The following ARHGEF4 variants were observed in gnomAD, a reference collection of about 807,000 sequenced individuals.
The protein encoded by ARHGEF4 is Rho guanine nucleotide exchange factor 4.
A neutral mutation model predicts 162.0 loss-of-function variants in ARHGEF4; 119 were observed. That is an observed-to-expected ratio of 0.73 (90% CI 0.63 to 0.86). The LOEUF is 0.86. Among genes scored for constraint, ARHGEF4 ranks in the 40% least tolerant of loss-of-function variants. The probability of loss-of-function intolerance (pLI) is 0.00; values close to 1 mark genes in which losing one functional copy is unlikely to be tolerated. For missense variants in ARHGEF4, 2,488 were observed against 2,456.0 expected, an observed-to-expected ratio of 1.01 and a Z score of -0.28; for synonymous variants, 1,014 against 979.9, an observed-to-expected ratio of 1.03 and a Z score of -0.65.
At chr2:130,922,095 C>T (rs1000098300) in intron 2 of ARHGEF4, among the ~76,000 whole-genome samples, 6 of 151,748 alleles carry the variant, frequency 4.0e-5, no homozygotes, top group Non-Finnish European at 5.9e-5. Flanking sequence ...TCAGGCCGGG[C>T]GCAGTGGCTC....
intron 4 of ARHGEF4, among the ~76,000 whole-genome samples, chr2:130,998,295 A>G (rs947275615): frequency 2.0e-5 from 3 of 152,168 alleles, no homozygotes; most frequent in Non-Finnish European, 4.4e-5. Context: ...GAGTGTTCCT[A>G]TAAACCCCTC....
chr2:130,845,560 G>C (rs1294637465), intron 1 of ARHGEF4, among the ~76,000 whole-genome samples: 1 of 151,698 alleles, frequency 6.6e-6, no homozygotes, highest in Non-Finnish European at 1.5e-5. Context: ...GCCTCCCAAA[G>C]TGCTGGGATT....
chr2:131,018,019 C>T (rs1688872934), intron 4 of ARHGEF4, among the ~76,000 whole-genome samples: 1 of 152,070 alleles, frequency 6.6e-6, no homozygotes, highest in Non-Finnish European at 1.5e-5. Context: ...AAAAGAATAG[C>T]TAAAACATTT....
At position 130,988,903 on chromosome 2, in the gene ARHGEF4, G is replaced by T. The variant is rs199943831; in HGVS notation, c.3986-39042G>T. Among the ~76,000 whole-genome samples, 374 of 124,272 alleles carry T rather than the reference G, an allele frequency of 3.0e-3. 1 individual carries two copies. The highest frequency in any genetic ancestry group is 9.9e-3 in the South Asian group (32 of 3,226). 81.5% of individuals were successfully genotyped at this position (124,272 alleles called of 152,430 possible). ...ATATATATATATATATATATATATAGAGAGAGAGAGAGAGAGAGAGAGAGA... is the reference window on the plus strand; with the variant it reads ...ATATATATATATATATATATATATATAGAGAGAGAGAGAGAGAGAGAGAGA... On this transcript the variant is annotated intron_variant, in intron 4 of 13. Transcript: ENST00000409359.
intron 4 of ARHGEF4, among the ~76,000 whole-genome samples, chr2:130,956,215 A>G (rs1684264308): frequency 6.6e-6 from 1 of 152,210 alleles, no homozygotes; most frequent in Non-Finnish European, 1.5e-5. Context: ...AGACACATGA[A>G]AAAATGCTCA....
intron 1 of ARHGEF4, among the ~76,000 whole-genome samples, chr2:130,879,319 T>A (rs1679051048): frequency 6.6e-6 from 1 of 152,166 alleles, no homozygotes; most frequent in African/African-American, 2.4e-5. Context: ...ACTTTAAAAA[T>A]TGACAGATAA....
intron 2 of ARHGEF4, among the ~76,000 whole-genome samples, chr2:130,920,799 G>C (rs572761356): frequency 6.6e-6 from 1 of 152,294 alleles, no homozygotes; most frequent in African/African-American, 2.4e-5. Flanking sequence ...TTTTATATAT[G>C]TAACATAGCT....
chr2:130,924,081 C>G (rs563664763), intron 2 of ARHGEF4, among the ~76,000 whole-genome samples: 1 of 151,482 alleles, frequency 6.6e-6, no homozygotes, highest in South Asian at 2.1e-4. Context: ...CGGGGTTTCA[C>G]CGTGTTAGCC....
intron 5 of ARHGEF4, among the ~76,000 whole-genome samples, chr2:131,033,677 T>C (rs1690023887): frequency 6.6e-6 from 1 of 151,898 alleles, no homozygotes; most frequent in South Asian, 2.1e-4. Context: ...TGTCTTCTGA[T>C]CCCCCCAATT....
At chr2:131,037,510 T>C (rs1025619054) in intron 5 of ARHGEF4, among the ~76,000 whole-genome samples, 1 of 151,944 alleles carries the variant, frequency 6.6e-6, no homozygotes, top group Non-Finnish European at 1.5e-5. Context: ...AGGGCCTGTT[T>C]GTGACATTCC....
chr2:130,917,276 G>C lies in ARHGEF4; in HGVS notation c.3330G>C (p.Gly1110=). The C allele has an allele frequency of 6.4e-7, 1 of 1,550,534 alleles. No homozygotes were observed. The highest frequency in any genetic ancestry group is 8.7e-7 in the Non-Finnish European group (1 of 1,146,974). ...SAQRMGLHYP[G]RGSAISMVSL... is the part of the protein sequence containing the mutation. ...AGCGGATGGGTCTCCACTACCCCGG[G>C]AGGGGTAGCGCCATCTCCATGGTTT... Residue 1110 remains glycine, a synonymous_variant, in exon 2 of 14, where the codon GGG becomes GGC. Transcript: ENST00000409359.
At chr2:130,988,182 C>G (rs112890485) in intron 4 of ARHGEF4, among the ~76,000 whole-genome samples, 4 of 152,178 alleles carry the variant, frequency 2.6e-5, no homozygotes, top group Admixed American at 2.6e-4. Flanking sequence ...GTGGCTCTGT[C>G]GGTGCCCGGT....
rs1053699148 is a variant in ARHGEF4 at position 130,917,052 on chromosome 2, C to A, written c.3106C>A (p.Gln1036Lys). Residue 1036 changes from glutamine (Q) to lysine (K), a missense_variant, in exon 2 of 14, where the codon CAG (glutamine) becomes AAG (lysine). Gln to Lys is a moderately conservative substitution (Grantham distance 53). Coordinates refer to ENST00000409359, the MANE Select transcript of ARHGEF4 (RefSeq NM_001367493.1). Reference protein sequence around the residue: ...SEPTIKCTATQEGGRYLPSGI... With the variant: ...SEPTIKCTATKEGGRYLPSGI... ...ACCGACCATCAAGTGCACAGCCACC[C>A]AGGAAGGCGGTAGGTACCTACCTTC... 30 of 1,550,756 alleles carry A rather than the reference C, an allele frequency of 1.9e-5. No individual in the cohort carries two copies. The highest frequency in any genetic ancestry group is 2.1e-5 in the Non-Finnish European group (24 of 1,147,066).
chr2:130,840,890 G>A (rs940648857), intron 1 of ARHGEF4, among the ~76,000 whole-genome samples: 2 of 152,166 alleles, frequency 1.3e-5, no homozygotes, highest in Admixed American at 6.5e-5. Context: ...GTGCTGTTAC[G>A]CAGGTGACCA....
At chr2:130,964,071 G>C (rs1485675898) in intron 4 of ARHGEF4, 2 of 724,346 alleles carry the variant, frequency 2.8e-6, no homozygotes, top group Non-Finnish European at 3.4e-6. Flanking sequence ...GCCCCAGCGA[G>C]TCAAGCGGGC....
At chr2:131,045,935 G>C in intron 13 of ARHGEF4, 103 bp from the exon 14 acceptor site, 2 of 1,505,154 alleles carry the variant, frequency 1.3e-6, no homozygotes, top group South Asian at 2.7e-5. Flanking sequence ...TCCTACGGCG[G>C]CTCTGAAGCA....
At chr2:130,867,936 C>CTTTTTTTTTTT (rs1156618796) in intron 1 of ARHGEF4, among the ~76,000 whole-genome samples, 1 of 119,936 alleles carries the variant, frequency 8.3e-6, no homozygotes, top group Non-Finnish European at 1.7e-5. Context: ...TTTTTTTTTT[C>CTTTTTTTTTTT]TTTTTTTTTT....
At chr2:130,900,815 C>G (rs765001757) in intron 1 of ARHGEF4, among the ~76,000 whole-genome samples, 1 of 152,158 alleles carries the variant, frequency 6.6e-6, no homozygotes, top group South Asian at 2.1e-4. Flanking sequence ...TTTAGATCTT[C>G]TATTGTAGCA....
At chr2:131,011,794 A>G (rs1688467106) in intron 4 of ARHGEF4, 6 of 839,196 alleles carry the variant, frequency 7.1e-6, no homozygotes, top group Non-Finnish European at 9.8e-6. Context: ...GATTTATTGT[A>G]GTTTACCAAG....
Sources: allele counts gnomAD v4.1 joint callset (sites outside exome capture counted in the v4.1 genomes callset), GRCh38; gene constraint gnomAD v4.1.1; transcripts MANE v1.5; gene names NCBI Gene and HGNC (gene_info 2026-07-23, HGNC 2026-07-21).